PCCA: variants seen among roughly 807,000 people sequenced by gnomAD.
PCCA encodes the protein propionyl-CoA carboxylase subunit alpha, also known as propionyl-CoA carboxylase alpha chain, mitochondrial.
A neutral mutation model predicts 101.3 loss-of-function variants in PCCA; 74 were observed. The ratio of observed to expected loss-of-function variants is 0.73; its 90% CI spans 0.61 to 0.89. PCCA has a LOEUF of 0.89. Among genes scored for constraint, PCCA ranks in the 40% least tolerant of loss-of-function variants. PCCA has a pLI of 0.00. For missense variants in PCCA, 891 were observed against 907.0 expected, an observed-to-expected ratio of 0.98 and a Z score of 0.23; for synonymous variants, 294 against 313.6, an observed-to-expected ratio of 0.94 and a Z score of 0.66.
chr13:100,519,574 G>A (rs1479224347), intron 22 of PCCA, among the ~76,000 whole-genome samples: 1 of 152,190 alleles, frequency 6.6e-6, no homozygotes. Flanking sequence ...GTGCTCCTTT[G>A]ACAGGGCAGG....
intron 20 of PCCA, among the ~76,000 whole-genome samples, chr13:100,445,989 G>A (rs1300224385): frequency 3.3e-5 from 5 of 152,042 alleles, no homozygotes; most frequent in Non-Finnish European, 5.9e-5. Context: ...AGAAACCTCC[G>A]TACTGTTTTC....
chr13:100,114,266 C>T (rs1361330165), intron 4 of PCCA, among the ~76,000 whole-genome samples: 1 of 152,056 alleles, frequency 6.6e-6, no homozygotes, highest in Non-Finnish European at 1.5e-5. Flanking sequence ...GGAAAAAAAT[C>T]TAGTAATTTG....
chr13:100,525,473 C>T (rs2087718487), intron 22 of PCCA, among the ~76,000 whole-genome samples: 1 of 152,272 alleles, frequency 6.6e-6, no homozygotes, highest in South Asian at 2.1e-4. Flanking sequence ...GTCCACCACC[C>T]ACTTGCTCCC....
intron 21 of PCCA, among the ~76,000 whole-genome samples, chr13:100,501,134 G>A (rs563371841): frequency 5.4e-4 from 82 of 152,210 alleles, no homozygotes; most frequent in African/African-American, 1.7e-3. Context: ...CTGAGCAACA[G>A]AGTGAGACTC....
At chr13:100,415,597 A>G (rs9557432) in intron 19 of PCCA, among the ~76,000 whole-genome samples, 29,660 of 152,098 alleles carry the variant, frequency 0.2, 4,083 homozygotes, top group East Asian at 0.63. Context: ...TAGAAGCAAG[A>G]TATATGATCA....
rs1405362563 is a variant in PCCA, at chr13:100,449,283, G to A, written c.1877G>A (p.Ser626Asn). The A allele has an allele frequency of 1.3e-6, 2 of 1,540,958 alleles. No homozygotes were observed. Among genetic ancestry groups the A allele is most frequent in the Admixed American group, 2.0e-5 (1 of 50,874 alleles). The part of the protein sequence containing the change: ...CLSREAGGNM[S>N]IQFLGTVYKV... ...TCTCGAGAAGCAGGTGGAAACATGA[G>A]CATTCAGTTTCTTGGTACAGTGGTA... The change falls in exon 21 of 24, where the codon AGC (serine) becomes AAC (asparagine). Residue 626 changes from serine (S) to asparagine (N), a missense_variant. Transcript: ENST00000376285.
At chr13:100,434,724 A>C (rs2079805280) in intron 20 of PCCA, among the ~76,000 whole-genome samples, 1 of 152,200 alleles carries the variant, frequency 6.6e-6, no homozygotes, top group African/African-American at 2.4e-5. Flanking sequence ...GTCTGGCCAC[A>C]GGAAATAGTA....
At chr13:100,197,455 T>A (rs957329225) in intron 6 of PCCA, among the ~76,000 whole-genome samples, 6 of 152,170 alleles carry the variant, frequency 3.9e-5, no homozygotes, top group African/African-American at 1.2e-4. Flanking sequence ...AATTTAATTT[T>A]ATTTTTTGAG....
chr13:100,308,308 G>A (rs1247704207), intron 15 of PCCA, among the ~76,000 whole-genome samples: 1 of 151,964 alleles, frequency 6.6e-6, no homozygotes, highest in Non-Finnish European at 1.5e-5. Context: ...TTTTTTATCT[G>A]TCTTTCTTCA....
rs1250626070 is a variant in PCCA at position 100,089,111 on chromosome 13, G to A, written c.-10G>A. On this transcript the variant is annotated 5_prime_UTR_variant, in exon 1 of 24. Coordinates refer to ENST00000376285, the MANE Select transcript of PCCA (RefSeq NM_000282.4). Reference sequence around the variant, plus strand: ...AGAGGTCAGCAGAGGGGCGGTCTGCGGGGACAACAATGGCGGGGTTCTGGG... The same window carrying A: ...AGAGGTCAGCAGAGGGGCGGTCTGCAGGGACAACAATGGCGGGGTTCTGGG... 1 of 1,487,480 alleles carries A rather than the reference G, an allele frequency of 6.7e-7. No individual in the cohort carries two copies. Among genetic ancestry groups the A allele is most frequent in the South Asian group, 1.3e-5 (1 of 74,992 alleles). 92.1% of individuals were successfully genotyped at this position (1,487,480 alleles called of 1,614,324 possible).
intron 12 of PCCA, among the ~76,000 whole-genome samples, chr13:100,284,793 C>A (rs961443119): frequency 6.6e-6 from 1 of 152,220 alleles, no homozygotes; most frequent in Non-Finnish European, 1.5e-5. Flanking sequence ...ATCCCACAGA[C>A]CACACATCCC....
In PCCA at chr13:100,507,132, C is replaced by T. The variant is rs563088787; in HGVS notation, c.1900-8295C>T. 5.3e-5 allele frequency among the ~76,000 whole-genome samples: 8 copies of T among 152,274 alleles called. No homozygotes were observed. The South Asian group carries it at 1.5e-3, about 28-fold the overall frequency. The stretch of plus-strand genomic sequence containing the variant: ...TTCTTGAGTAAAAAGAAAAAAATGA[C>T]TCATTATAGTCGTAATGTGTCACAG... On this transcript the variant is annotated intron_variant, in intron 21 of 23. Coordinates refer to ENST00000376285, the MANE Select transcript of PCCA (RefSeq NM_000282.4).
At chr13:100,207,258 CAG>C in intron 6 of PCCA, among the ~76,000 whole-genome samples, 1 of 152,292 alleles carries the variant, frequency 6.6e-6, no homozygotes, top group South Asian at 2.1e-4. Flanking sequence ...GCTTTAGACT[CAG>C]GGTCTAAAAT....
rs2081842122 is a variant in PCCA, at chr13:100,457,600, T to A, written c.1899+8295T>A. The stretch of plus-strand genomic sequence containing the variant: ...TGCATTATAGGAGAGGAGCTCTGAG[T>A]TTAGAGAACCTGAGTCTTTTTATAC... On this transcript the variant is annotated intron_variant, in intron 21 of 23. Transcript: ENST00000376285. 2.0e-5 allele frequency among the ~76,000 whole-genome samples: 3 copies of A among 152,088 alleles called. No homozygotes were observed. In the South Asian group the frequency reaches 6.2e-4, roughly 32 times the overall value.
intron 1 of PCCA, among the ~76,000 whole-genome samples, chr13:100,089,773 C>A (rs1029212504): frequency 2.6e-5 from 4 of 152,130 alleles, no homozygotes; most frequent in African/African-American, 9.7e-5. Flanking sequence ...TGTATGACAC[C>A]CCAGTCTACT....
intron 12 of PCCA, among the ~76,000 whole-genome samples, chr13:100,277,082 A>T (rs946731957): frequency 4.6e-5 from 7 of 152,140 alleles, no homozygotes; most frequent in Non-Finnish European, 1.0e-4. Flanking sequence ...TGACTACGGC[A>T]ATCTAAGCTC....
intron 6 of PCCA, among the ~76,000 whole-genome samples, chr13:100,157,597 T>C (rs2054007919): frequency 6.6e-6 from 1 of 152,202 alleles, no homozygotes; most frequent in Non-Finnish European, 1.5e-5. Flanking sequence ...CTGCATGATA[T>C]TTGAATTAAA....
intron 6 of PCCA, among the ~76,000 whole-genome samples, chr13:100,197,407 C>A (rs903385224): frequency 3.3e-5 from 5 of 151,880 alleles, no homozygotes; most frequent in Admixed American, 6.6e-5. Flanking sequence ...GTTGTCCAGG[C>A]TGATCTTGAA....
intron 16 of PCCA, among the ~76,000 whole-genome samples, chr13:100,325,532 T>A (rs1438398553): frequency 1.3e-5 from 2 of 152,078 alleles, no homozygotes; most frequent in Admixed American, 6.6e-5. Context: ...AGTGCCTTAT[T>A]CTGAGGGGGA....
Sources: allele counts gnomAD v4.1 joint callset (sites outside exome capture counted in the v4.1 genomes callset), GRCh38; gene constraint gnomAD v4.1.1; transcripts MANE v1.5; gene names NCBI Gene and HGNC (gene_info 2026-07-23, HGNC 2026-07-21).